ARNT: variants seen among roughly 807,000 people sequenced by gnomAD.
ARNT encodes the protein aryl hydrocarbon receptor nuclear translocator, also known as class E basic helix-loop-helix protein 2.
ARNT carries 30 observed loss-of-function variants against 105.0 expected under a neutral mutation model. That is an observed-to-expected ratio of 0.29 (90% CI 0.21 to 0.39). The LOEUF (loss-of-function observed/expected upper bound fraction) is 0.39, where lower values mean the gene tolerates loss of function less well. ARNT is among the 10% of genes least tolerant of loss of function. ARNT has a pLI of 1.00. For missense variants in ARNT, 748 were observed against 978.7 expected (o/e 0.76, Z 3.15); for synonymous variants, 304 against 344.0 (o/e 0.88, Z 1.29).
chr1:150,862,701 T>C (rs1241815587), intron 1 of ARNT, among the ~76,000 whole-genome samples: 1 of 119,538 alleles, frequency 8.4e-6, no homozygotes, highest in Non-Finnish European at 1.6e-5. Context: ...CATAGTGAGA[T>C]CCTGCCTCTG....
intron 9 of ARNT, 83 bp from the exon 10 acceptor site, chr1:150,831,986 A>C (rs970103539): frequency 2.2e-6 from 2 of 925,112 alleles, no homozygotes; most frequent in East Asian, 4.9e-5. Context: ...AGTACTTTTA[A>C]GTTTATGCTC....
chr1:150,831,901 T>C lies in ARNT; in HGVS notation c.872A>G (p.Asn291Ser), dbSNP rs1659411706. The stretch of plus-strand genomic sequence containing the variant: ...CCCATCCTTTACAGAGCCAAGTCCA[T>C]TCCTAGAAGAGTTACAGGAGTTTGA... ...RLSFVRNRCRNGLGSVKDGEP... is the reference protein window; with the variant it reads ...RLSFVRNRCRSGLGSVKDGEP... The change falls in exon 10 of 22, where the codon AAT becomes AGT. Residue 291 changes from asparagine (N) to serine (S), a missense_variant and splice_region_variant. By Grantham distance (46) the Asn-to-Ser change is conservative. Around this residue, in one of 4 missense-constraint regions of ARNT, gnomAD observed 291 missense variants for 444.6 expected, o/e 0.65. Coordinates refer to ENST00000358595, the MANE Select transcript of ARNT (RefSeq NM_001668.4). The C allele has an allele frequency of 1.3e-6, 2 of 1,574,108 alleles. No homozygotes were observed. The highest frequency in any genetic ancestry group is 1.7e-6 in the Non-Finnish European group (2 of 1,163,844).
rs587766994 is a variant in ARNT at position 150,817,006 on chromosome 1, A to G, written c.1699+76T>C. ...TTAAGTGGAAAAACACTGGAAGATT[A>G]CTGACTGGGCAGTGGCATGCCCATC... is the stretch of plus-strand genomic sequence containing the variant. On this transcript the variant is annotated intron_variant, in intron 17 of 21. Coordinates refer to ENST00000358595, the MANE Select transcript of ARNT (RefSeq NM_001668.4). The G allele has an allele frequency of 2.5e-4, 399 of 1,606,638 alleles. 6 individuals are homozygous for G. In the South Asian group the frequency reaches 4.1e-3, roughly 16 times the overall value.
intron 11 of ARNT, 82 bp downstream of exon 11, chr1:150,829,822 A>G: frequency 1.4e-6 from 2 of 1,445,396 alleles, no homozygotes; most frequent in African/African-American, 2.8e-5. Context: ...GTATTCAGAA[A>G]GTAAAAGAAA....
chr1:150,860,850 C>T (rs1402333116), intron 1 of ARNT, among the ~76,000 whole-genome samples: 1 of 151,900 alleles, frequency 6.6e-6, no homozygotes, highest in African/African-American at 2.4e-5. Flanking sequence ...GAGAAAGACT[C>T]TGCCTCAAAA....
chr1:150,832,916 A>T (rs1036984680), intron 8 of ARNT, among the ~76,000 whole-genome samples: 3 of 152,130 alleles, frequency 2.0e-5, no homozygotes, highest in African/African-American at 7.2e-5. Context: ...ATATTGGGAT[A>T]CTCCTGCCAA....
rs764861223 is a variant in ARNT, at chr1:150,813,328, A to G, written c.2124T>C (p.Thr708=). The part of the protein sequence containing the change: ...TNRGSNFAPE[T]GQTAGQFQTR... Reference sequence around the variant, plus strand: ...TCTGGAATTGTCCTGCAGTCTGTCCAGTCTCAGGAGCTAGAAATACAGCAA... The same window carrying G: ...TCTGGAATTGTCCTGCAGTCTGTCCGGTCTCAGGAGCTAGAAATACAGCAA... The change falls in exon 21 of 22, where the codon ACT becomes ACC. Residue 708 remains threonine (T), a synonymous_variant. Transcript: ENST00000358595. 5.6e-6 allele frequency: 9 copies of G among 1,606,248 alleles called. No homozygotes were observed. The East Asian group carries it at 1.8e-4, about 32-fold the overall frequency.
chr1:150,865,873 TG>T, intron 1 of ARNT, among the ~76,000 whole-genome samples: 1 of 152,306 alleles, frequency 6.6e-6, no homozygotes, highest in East Asian at 1.9e-4. Flanking sequence ...AGAAATGCCT[TG>T]GATGTATGAA....
rs1207885531 is a variant in ARNT, at chr1:150,811,634, C to T, written c.*387G>A. ...ATGAGGACATTTCTCCTCTCCTCCA[C>T]TCTCTTCAGAATTTCTTTCCAAAAA... is the stretch of plus-strand genomic sequence containing the variant. On this transcript the variant is annotated 3_prime_UTR_variant, in exon 22 of 22. Transcript: ENST00000358595. The T allele has an allele frequency of 4.3e-6, 1 of 235,274 alleles. No homozygotes were observed. Among genetic ancestry groups the T allele is most frequent in the Non-Finnish European group, 8.4e-6 (1 of 119,488 alleles). The allele number at this position is 235,274 out of a possible 1,614,324, so 14.6% of individuals were successfully genotyped here. A position where few individuals can be genotyped will look rare whatever the true frequency, so the allele number is the denominator to read the frequency against.
chr1:150,857,656 C>CCT (rs1227926999), intron 2 of ARNT, among the ~76,000 whole-genome samples: 1 of 152,058 alleles, frequency 6.6e-6, no homozygotes, highest in African/African-American at 2.4e-5. Flanking sequence ...CTTCCAGGCC[C>CCT]CTCTAAGGCA....
chr1:150,831,927 A>G (rs758700876), intron 9 of ARNT, 24 bp from the exon 10 acceptor site: 225 of 1,037,618 alleles, frequency 2.2e-4, no homozygotes, highest in Non-Finnish European at 2.8e-4. Context: ...AGGAGTTTGA[A>G]AAAAAAAAAA....
At chr1:150,853,529 C>G (rs1417015011) in intron 2 of ARNT, among the ~76,000 whole-genome samples, 1 of 152,200 alleles carries the variant, frequency 6.6e-6, no homozygotes, top group Non-Finnish European at 1.5e-5. Context: ...AAGCAGTGAT[C>G]TTACATAAAG....
At chr1:150,834,451 G>A in intron 8 of ARNT, 87 bp downstream of exon 8, 1 of 1,299,008 alleles carries the variant, frequency 7.7e-7, no homozygotes, top group Non-Finnish European at 1.1e-6. Context: ...ATCCACTGGA[G>A]CTAATCCAAC....
intron 4 of ARNT, 99 bp downstream of exon 4, chr1:150,846,164 G>A (rs1417154151): frequency 8.5e-5 from 81 of 953,082 alleles, no homozygotes; most frequent in Admixed American, 5.2e-4. Context: ...GAGAAATTCC[G>A]TCTCATCCAG....
At chr1:150,837,608 C>G (rs192056611) in intron 6 of ARNT, among the ~76,000 whole-genome samples, 1 of 152,056 alleles carries the variant, frequency 6.6e-6, no homozygotes, top group Admixed American at 6.6e-5. Context: ...TTCCTTTGTT[C>G]AAGTCTTAAA....
chr1:150,862,434 T>C (rs1249345543), intron 1 of ARNT, among the ~76,000 whole-genome samples: 1 of 152,170 alleles, frequency 6.6e-6, no homozygotes, highest in African/African-American at 2.4e-5. Flanking sequence ...GTCATTTTCT[T>C]GGTAAAAAAC....
chr1:150,831,021 T>C (rs902479072), intron 10 of ARNT, among the ~76,000 whole-genome samples: 1 of 152,128 alleles, frequency 6.6e-6, no homozygotes, highest in Non-Finnish European at 1.5e-5. Flanking sequence ...AATCTAATCC[T>C]CACAAAAACC....
chr1:150,871,327 G>A (rs1164163999), intron 1 of ARNT, among the ~76,000 whole-genome samples: 1 of 127,832 alleles, frequency 7.8e-6, no homozygotes, highest in African/African-American at 2.9e-5. Flanking sequence ...TTTAGACGGA[G>A]TCTCACTCTG....
intron 3 of ARNT, among the ~76,000 whole-genome samples, chr1:150,851,093 C>T (rs1171014296): frequency 6.6e-6 from 1 of 151,320 alleles, no homozygotes; most frequent in Non-Finnish European, 1.5e-5. Context: ...GCCCCGCAGC[C>T]GCCCCGTCCG....
Sources: allele counts gnomAD v4.1 joint callset (sites outside exome capture counted in the v4.1 genomes callset), GRCh38; gene constraint gnomAD v4.1.1; regional missense constraint gnomAD v4.1.1; transcripts MANE v1.5; gene names NCBI Gene and HGNC (gene_info 2026-07-23, HGNC 2026-07-21).